The following ANKRD27 variants were observed in gnomAD, a reference collection of about 807,000 sequenced individuals.
ANKRD27 encodes ankyrin repeat domain 27, also known as ankyrin repeat domain-containing protein 27.
ANKRD27 carries 112 observed loss-of-function variants against 129.7 expected under a neutral mutation model. The ratio of observed to expected loss-of-function variants is 0.86; its 90% CI spans 0.74 to 1.01. The LOEUF is 1.01. ANKRD27 is among the 50% of genes least tolerant of loss of function. ANKRD27 has a pLI of 0.00. For missense variants in ANKRD27, 1,258 were observed against 1,300.5 expected (o/e 0.97, Z 0.50); for synonymous variants, 516 against 511.2 (o/e 1.01, Z -0.13).
chr19:32,661,884 C>T (rs1967652331), intron 1 of ANKRD27, among the ~76,000 whole-genome samples: 1 of 152,072 alleles, frequency 6.6e-6, no homozygotes, highest in African/African-American at 2.4e-5. Flanking sequence ...CCATATTGTT[C>T]AAGGGTCAAC....
At position 32,643,299 on chromosome 19, in the gene ANKRD27, C is replaced by T; in HGVS notation, c.693G>A (p.Met231Ile). The T allele has an allele frequency of 6.2e-7, 1 of 1,614,076 alleles. No homozygotes were observed. The highest frequency in any genetic ancestry group is 8.5e-7 in the Non-Finnish European group (1 of 1,180,028). The change falls in exon 8 of 29, where the codon ATG (methionine) becomes ATA (isoleucine). Residue 231 changes from methionine (M) to isoleucine (I), a missense_variant. Met to Ile is a conservative substitution (Grantham distance 10). Transcript: ENST00000306065. Reference sequence around the variant, plus strand: ...ACTGAGAACCTACCTCACTTGCCTCCATGGTCCCCACGTATTTAAAGATCA... The same window carrying T: ...ACTGAGAACCTACCTCACTTGCCTCTATGGTCCCCACGTATTTAAAGATCA... Reference protein sequence around the residue: ...YNLIFKYVGTMEASEDAAFNK... With the variant: ...YNLIFKYVGTIEASEDAAFNK...
chr19:32,620,146 G>C (rs1329934645), intron 18 of ANKRD27, among the ~76,000 whole-genome samples: 4 of 151,992 alleles, frequency 2.6e-5, no homozygotes, highest in Non-Finnish European at 5.9e-5. Flanking sequence ...CAGTATTCAG[G>C]GGGTACAGCC....
intron 4 of ANKRD27, among the ~76,000 whole-genome samples, chr19:32,645,297 C>T (rs997922802): frequency 2.6e-5 from 4 of 151,826 alleles, no homozygotes; most frequent in South Asian, 2.1e-4. Context: ...CTGTAATCCC[C>T]GCTACTCAGG....
Position 32,604,284 on chromosome 19 carries a change from C to T in ANKRD27, c.2634G>A (p.Thr878=), listed in dbSNP as rs139482247. The change falls in exon 25 of 29, where the codon ACG becomes ACA. Residue 878 remains threonine (T), a synonymous_variant. Transcript: ENST00000306065. ...SVQVLNKRQR[T]AVDCAEQNSK... is the part of the protein sequence containing the mutation. ...CTACCTGTTCAGCACAGTCTACAGCCGTGCGCTGCCGCTTGTTCAGCACCT... is the reference window on the plus strand; with the variant it reads ...CTACCTGTTCAGCACAGTCTACAGCTGTGCGCTGCCGCTTGTTCAGCACCT... The T allele has an allele frequency of 1.2e-5, 19 of 1,612,962 alleles. No homozygotes were observed. Among genetic ancestry groups the T allele is most frequent in the African/African-American group, 5.3e-5 (4 of 74,930 alleles).
intron 22 of ANKRD27, among the ~76,000 whole-genome samples, chr19:32,614,820 C>T (rs373957499): frequency 5.3e-5 from 8 of 152,222 alleles, no homozygotes; most frequent in East Asian, 1.9e-4. Flanking sequence ...TACACACACA[C>T]GAGAACAAGC....
At chr19:32,635,437 G>C (rs1967071219) in intron 12 of ANKRD27, among the ~76,000 whole-genome samples, 1 of 152,204 alleles carries the variant, frequency 6.6e-6, no homozygotes, top group Admixed American at 6.5e-5. Context: ...CATAGGTAGA[G>C]ACACAAGAGC....
Position 32,630,161 on chromosome 19 carries a change from A to G in ANKRD27, c.1209+1241T>C, listed in dbSNP as rs965254844. 2.0e-5 allele frequency among the ~76,000 whole-genome samples: 3 copies of G among 152,222 alleles called. No individual in the cohort carries two copies. The South Asian group carries it at 6.2e-4, about 32-fold the overall frequency. On this transcript the variant is annotated intron_variant, in intron 13 of 28. Transcript: ENST00000306065. ...CTAATAGAGCATCAGCCTGTAAAGG[A>G]AAGAGAATAGCTGCAATGAGCAGGA...
chr19:32,671,112 A>G (rs1026314023), intron 1 of ANKRD27, among the ~76,000 whole-genome samples: 20 of 151,942 alleles, frequency 1.3e-4, no homozygotes, highest in Non-Finnish European at 2.9e-5. Flanking sequence ...CTGAGCAACA[A>G]AGTGAGACCC....
At chr19:32,669,405 A>T (rs1248278244) in intron 1 of ANKRD27, among the ~76,000 whole-genome samples, 1 of 152,238 alleles carries the variant, frequency 6.6e-6, no homozygotes, top group Non-Finnish European at 1.5e-5. Context: ...ATGAGTCTCC[A>T]CCACAATGAG....
chr19:32,614,304 T>G (rs186974872), intron 22 of ANKRD27, among the ~76,000 whole-genome samples: 1 of 152,124 alleles, frequency 6.6e-6, no homozygotes, highest in African/African-American at 2.4e-5. Context: ...TCTAAAACAC[T>G]GGGCTAGAAA....
chr19:32,670,379 C>G (rs1967845417), intron 1 of ANKRD27, among the ~76,000 whole-genome samples: 3 of 152,240 alleles, frequency 2.0e-5, no homozygotes, highest in African/African-American at 7.2e-5. Flanking sequence ...ACACTGTTCT[C>G]AACCTTTCTG....
At chr19:32,635,812 G>A (rs1169022239) in intron 12 of ANKRD27, among the ~76,000 whole-genome samples, 1 of 152,118 alleles carries the variant, frequency 6.6e-6, no homozygotes, top group Non-Finnish European at 1.5e-5. Context: ...TACTGTCAAC[G>A]AGTACAGCGA....
chr19:32,670,405 T>C (rs1967845865), intron 1 of ANKRD27, among the ~76,000 whole-genome samples: 1 of 152,192 alleles, frequency 6.6e-6, no homozygotes, highest in South Asian at 2.1e-4. Flanking sequence ...GTGTTAAAAA[T>C]ACGTAACATG....
chr19:32,619,693 G>T, intron 18 of ANKRD27, 140 bp from the exon 19 acceptor site: 2 of 1,006,544 alleles, frequency 2.0e-6, no homozygotes, highest in Non-Finnish European at 3.1e-6. Flanking sequence ...TGGCCCAGTC[G>T]CACCCTTGGA....
At chr19:32,605,250 A>G (rs1971714276) in intron 24 of ANKRD27, among the ~76,000 whole-genome samples, 1 of 151,936 alleles carries the variant, frequency 6.6e-6, no homozygotes, top group South Asian at 2.1e-4. Flanking sequence ...AGTGGTATGT[A>G]TCTGTAGTCC....
chr19:32,658,798 T>C, intron 2 of ANKRD27, 116 bp downstream of exon 2: 2 of 904,894 alleles, frequency 2.2e-6, no homozygotes, highest in South Asian at 2.8e-5. Context: ...CCAAGCACAC[T>C]GCTGGGAGCT....
chr19:32,671,048 C>A (rs1405006152), intron 1 of ANKRD27, among the ~76,000 whole-genome samples: 4 of 152,104 alleles, frequency 2.6e-5, no homozygotes, highest in Admixed American at 6.5e-5. Context: ...GTAATCTCAG[C>A]ACTTTGGGAG....
At chr19:32,653,307 G>A (rs1967455340) in intron 2 of ANKRD27, among the ~76,000 whole-genome samples, 1 of 152,154 alleles carries the variant, frequency 6.6e-6, no homozygotes, top group African/African-American at 2.4e-5. Context: ...CCCAGACTAG[G>A]CCCCCGGAGC....
At chr19:32,627,386 A>T (rs143964157) in intron 15 of ANKRD27, among the ~76,000 whole-genome samples, 2,537 of 73,918 alleles carry the variant, frequency 0.034, 97 homozygotes, top group Non-Finnish European at 0.063. Flanking sequence ...TTATTTATTT[A>T]TTTATTTATT....
Sources: allele counts gnomAD v4.1 joint callset (sites outside exome capture counted in the v4.1 genomes callset), GRCh38; gene constraint gnomAD v4.1.1; transcripts MANE v1.5; gene names NCBI Gene and HGNC (gene_info 2026-07-23, HGNC 2026-07-21).